The following HMGXB4 variants were observed in gnomAD, a reference collection of about 807,000 sequenced individuals.
The protein encoded by HMGXB4 is HMG domain-containing protein 4.
HMGXB4 carries 27 observed loss-of-function variants against 63.9 expected under a neutral mutation model. The ratio of observed to expected loss-of-function variants is 0.42; its 90% CI spans 0.31 to 0.58. The LOEUF is 0.58. Ranked by LOEUF, HMGXB4 falls within the 20% of genes least tolerant of loss-of-function variation. The pLI is 0.13. For missense variants in HMGXB4, 624 were observed against 700.7 expected (o/e 0.89, Z 1.24); for synonymous variants, 264 against 265.3 (o/e 0.99, Z 0.05).
the HMGXB4 span, among the ~76,000 whole-genome samples, chr22:35,241,590 A>T: frequency 6.6e-6 from 1 of 152,190 alleles, no homozygotes; most frequent in African/African-American, 2.4e-5. Flanking sequence ...CTGAGCTCCC[A>T]GGGCCTCCCT....
chr22:35,279,860 T>C (rs1924140312), intron 5 of HMGXB4, among the ~76,000 whole-genome samples: 1 of 152,160 alleles, frequency 6.6e-6, no homozygotes, highest in African/African-American at 2.4e-5. Context: ...GTGTATTCTT[T>C]CGCTAATGCC....
intron 5 of HMGXB4, among the ~76,000 whole-genome samples, chr22:35,267,441 G>A (rs912602761): frequency 6.6e-6 from 1 of 152,206 alleles, no homozygotes; most frequent in Non-Finnish European, 1.5e-5. Flanking sequence ...CAGGGTCAGG[G>A]AAAGCTTGAA....
At position 35,283,793 on chromosome 22, in the gene HMGXB4, A is replaced by AT. The variant is rs1330874436; in HGVS notation, c.1216-169_1216-168insT. Among the ~76,000 whole-genome samples, 52 of 109,106 alleles carry AT rather than the reference A, an allele frequency of 4.8e-4. No individual in the cohort carries two copies. In the East Asian group the frequency reaches 7.5e-3, roughly 16 times the overall value. The allele number at this position is 109,106 out of a possible 152,430, so 71.6% of individuals were successfully genotyped here. A position where few individuals can be genotyped will look rare whatever the true frequency, so the allele number is the denominator to read the frequency against. Reference sequence around the variant, plus strand: ...CGACAGAGTGAGACTGTATCTCAAAAAATATATATATATATATTATCCTGT... The same window carrying AT: ...CGACAGAGTGAGACTGTATCTCAAAATAATATATATATATATATTATCCTGT... On this transcript the variant is annotated intron_variant, in intron 5 of 10. Transcript: ENST00000216106.
Position 35,272,325 on chromosome 22 carries a change from G to A in HMGXB4, c.1215+6722G>A, listed in dbSNP as rs115686904. On this transcript the variant is annotated intron_variant, in intron 5 of 10. Transcript: ENST00000216106. ...AAGAGTGAGCGGTGTGGAAGTGAAC[G>A]CAGCAGCGGTGGGCTCTTACTTGAG... 5.4e-3 allele frequency among the ~76,000 whole-genome samples: 818 copies of A among 151,796 alleles called. 7 individuals carry two copies. Among genetic ancestry groups the A allele is most frequent in the African/African-American group, 0.019 (768 of 41,484 alleles).
At chr22:35,276,346 CATGATTTTATTTCA>C (rs1245748305) in intron 5 of HMGXB4, among the ~76,000 whole-genome samples, 1 of 152,210 alleles carries the variant, frequency 6.6e-6, no homozygotes, top group East Asian at 1.9e-4. Flanking sequence ...GTTCAGGAAC[CATGATTTTATTTCA>C]TTTTTTAAAT....
chr22:35,268,464 T>C (rs1424573952), intron 5 of HMGXB4, among the ~76,000 whole-genome samples: 1 of 152,198 alleles, frequency 6.6e-6, no homozygotes, highest in African/African-American at 2.4e-5. Flanking sequence ...TTTTTTTTTA[T>C]TCTACCGTGC....
chr22:35,252,002 G>T, the HMGXB4 span, among the ~76,000 whole-genome samples: 11 of 152,260 alleles, frequency 7.2e-5, no homozygotes, highest in Admixed American at 3.9e-4. Context: ...ATCACCTGAG[G>T]TCAGGAGTTA....
the HMGXB4 span, among the ~76,000 whole-genome samples, chr22:35,247,714 A>G: frequency 6.7e-6 from 1 of 149,608 alleles, no homozygotes; most frequent in East Asian, 2.0e-4. Flanking sequence ...ATGTCTGAAA[A>G]CCATTTTAGA....
In HMGXB4 at chr22:35,270,289, G is replaced by T. The variant is rs551764703; in HGVS notation, c.1215+4686G>T. Among the ~76,000 whole-genome samples the T allele has an allele frequency of 4.6e-5, 7 of 152,224 alleles. No individual in the cohort carries two copies. The South Asian group carries it at 1.5e-3, about 32-fold the overall frequency. ...CTCATAGGAGCACAAACCCCAGCAG[G>T]TTCCTTATGAGAATCTAATGCCCGA... On this transcript the variant is annotated intron_variant, in intron 5 of 10. Coordinates refer to ENST00000216106, the MANE Select transcript of HMGXB4 (RefSeq NM_001003681.3).
chr22:35,252,629 A>C (rs1377411561), upstream of HMGXB4, among the ~76,000 whole-genome samples: 2 of 152,254 alleles, frequency 1.3e-5, no homozygotes, highest in African/African-American at 4.8e-5. Context: ...CTTGAAGAAT[A>C]AATAGGAGCT....
chr22:35,270,208 C>T (rs747050526), intron 5 of HMGXB4, among the ~76,000 whole-genome samples: 8 of 152,140 alleles, frequency 5.3e-5, no homozygotes, highest in East Asian at 3.9e-4. Context: ...CACTCCCTGT[C>T]GCTCACATTA....
chr22:35,262,723 A>G, intron 2 of HMGXB4: 1 of 518,964 alleles, frequency 1.9e-6, no homozygotes. Flanking sequence ...TAGGAATCAC[A>G]TCCTGGACTC....
intron 5 of HMGXB4, among the ~76,000 whole-genome samples, chr22:35,278,279 A>T (rs1359754749): frequency 2.0e-5 from 3 of 152,168 alleles, no homozygotes; most frequent in Non-Finnish European, 4.4e-5. Flanking sequence ...GGTTGCTGTC[A>T]AGTTTTGGCA....
Position 35,263,083 on chromosome 22 carries a change from T to G in HMGXB4, c.37T>G (p.Phe13Val). ...AATAAACCTGTGCTTCTCAGATTGT[T>G]TTGATGGTGATCATACCTTTGAGGA... is the stretch of plus-strand genomic sequence containing the variant. ...YDDSVKKEDC[F>V]DGDHTFEDIG... The change falls in exon 3 of 11, where the codon TTT becomes GTT. Residue 13 changes from phenylalanine (F) to valine (V), a missense_variant. Physicochemically the swap from Phe to Val is conservative, Grantham distance 50 (BLOSUM62 -1). Coordinates refer to ENST00000216106, the MANE Select transcript of HMGXB4 (RefSeq NM_001003681.3). 1.2e-6 allele frequency: 2 copies of G among 1,613,602 alleles called. No individual in the cohort carries two copies. The highest frequency in any genetic ancestry group is 1.7e-6 in the Non-Finnish European group (2 of 1,179,904).
rs1255544532 is a variant in HMGXB4 at position 35,295,057 on chromosome 22, T to C, written c.*1406T>C. ...TGTTTCCCAGTTGGAAAGAAGACAG[T>C]TGAGCACTTCAGGATGGTTTTTAAA... On this transcript the variant is annotated 3_prime_UTR_variant, in exon 11 of 11. Transcript: ENST00000216106. 6.6e-6 allele frequency: 1 copy of C among 152,252 alleles called. No individual in the cohort carries two copies. Among genetic ancestry groups the C allele is most frequent in the African/African-American group, 2.4e-5 (1 of 41,480 alleles). The allele number at this position is 152,252 out of a possible 1,614,324, so 9.4% of individuals were successfully genotyped here.
chr22:35,281,364 C>T (rs984507872), intron 5 of HMGXB4, among the ~76,000 whole-genome samples: 2 of 152,182 alleles, frequency 1.3e-5, no homozygotes, highest in African/African-American at 2.4e-5. Flanking sequence ...CTTGCTCTAC[C>T]ACCACCCAGC....
intron 5 of HMGXB4, among the ~76,000 whole-genome samples, chr22:35,268,962 G>T (rs1418664166): frequency 6.6e-6 from 1 of 152,074 alleles, no homozygotes; most frequent in Non-Finnish European, 1.5e-5. Context: ...TAGAATTAAC[G>T]TCTAAACTCC....
At chr22:35,285,687 C>T (rs916000355) in intron 6 of HMGXB4, among the ~76,000 whole-genome samples, 3 of 152,218 alleles carry the variant, frequency 2.0e-5, no homozygotes, top group Non-Finnish European at 4.4e-5. Context: ...GATCACACCA[C>T]TGCAATCCAG....
At chr22:35,283,694 G>A (rs1025241256) in intron 5 of HMGXB4, among the ~76,000 whole-genome samples, 8 of 152,194 alleles carry the variant, frequency 5.3e-5, no homozygotes, top group African/African-American at 1.4e-4. Flanking sequence ...GAAGGCTGAG[G>A]CAGGAGAATC....
Sources: gnomAD v4.1 joint callset for allele counts (sites outside exome capture counted in the v4.1 genomes callset) on GRCh38, gnomAD v4.1.1 for gene constraint, MANE v1.5 for transcripts, NCBI Gene and HGNC (gene_info 2026-07-23, HGNC 2026-07-21) for gene names.